Variants in SNTB1 observed in about 807,000 individuals in gnomAD.
SNTB1 encodes the protein syntrophin beta 1.
Under a neutral mutation model 48.9 loss-of-function variants are expected in SNTB1, and 36 were observed. That is an observed-to-expected ratio of 0.74 (90% CI 0.56 to 0.97). SNTB1 has a LOEUF of 0.97. Ranked by LOEUF, SNTB1 falls within the 50% of genes least tolerant of loss-of-function variation. SNTB1 has a pLI of 0.00. For synonymous variants in SNTB1, 299 were observed against 294.6 expected (o/e 1.01, Z -0.15); for missense variants, 786 against 703.4 (o/e 1.12, Z -1.33).
chr8:120,616,477 G>GTT lies in SNTB1; in HGVS notation c.996+15965_996+15966dup, dbSNP rs767343933. Among the ~76,000 whole-genome samples the GTT allele has an allele frequency of 5.7e-3, 728 of 128,156 alleles. 2 individuals carry two copies. Among genetic ancestry groups the GTT allele is most frequent in the African/African-American group, 0.013 (461 of 34,332 alleles). The allele number at this position is 128,156 out of a possible 152,430, so 84.1% of individuals were successfully genotyped here. A position where few individuals can be genotyped will look rare whatever the true frequency, so the allele number is the denominator to read the frequency against. On this transcript the variant is annotated intron_variant, in intron 3 of 6. Coordinates refer to ENST00000517992, the MANE Select transcript of SNTB1 (RefSeq NM_021021.4). ...CACAACACCTGACTAACTAAAAAAA[G>GTT]TTTTTTTTTTTTTTTTGTAAAAATG... is the stretch of plus-strand genomic sequence containing the variant.
At chr8:120,769,945 G>T (rs1287341078) in intron 1 of SNTB1, among the ~76,000 whole-genome samples, 1 of 152,220 alleles carries the variant, frequency 6.6e-6, no homozygotes, top group Non-Finnish European at 1.5e-5. Flanking sequence ...AAACAAGTTT[G>T]CTGTTGGACA....
At chr8:120,687,967 G>T (rs979140274) in intron 2 of SNTB1, among the ~76,000 whole-genome samples, 1 of 152,082 alleles carries the variant, frequency 6.6e-6, no homozygotes, top group Non-Finnish European at 1.5e-5. Context: ...CATCACTAAG[G>T]GTACCTTGTA....
chr8:120,589,243 T>C (rs1267825052), intron 3 of SNTB1, among the ~76,000 whole-genome samples: 1 of 152,210 alleles, frequency 6.6e-6, no homozygotes. Context: ...GTGTCTACAA[T>C]ACTATCATAA....
At chr8:120,732,500 A>T (rs1818869243) in intron 1 of SNTB1, among the ~76,000 whole-genome samples, 1 of 152,204 alleles carries the variant, frequency 6.6e-6, no homozygotes, top group Non-Finnish European at 1.5e-5. Flanking sequence ...TTAAGAGTTA[A>T]TCATTTCTAT....
chr8:120,808,537 T>C (rs945592011), intron 1 of SNTB1, among the ~76,000 whole-genome samples: 3 of 152,250 alleles, frequency 2.0e-5, no homozygotes, highest in Admixed American at 6.5e-5. Context: ...TCATTTCATT[T>C]GAATTGTAAA....
rs181793905 is a variant in SNTB1 at position 120,571,307 on chromosome 8, C to T, written c.1136+3779G>A. 5.1e-4 allele frequency: 655 copies of T among 1,288,232 alleles called. 8 individuals are homozygous for T. In the African/African-American group the frequency reaches 8.8e-3, roughly 17 times the overall value. 79.8% of individuals were successfully genotyped at this position (1,288,232 alleles called of 1,614,324 possible). A position where few individuals can be genotyped will look rare whatever the true frequency, so the allele number is the denominator to read the frequency against. ...ATCCAGTGACTGTGGTCTAATCTTTCTTTGGTTTCTGTTGCGGGAATGTCT... is the reference window on the plus strand; with the variant it reads ...ATCCAGTGACTGTGGTCTAATCTTTTTTTGGTTTCTGTTGCGGGAATGTCT... On this transcript the variant is annotated intron_variant, in intron 4 of 6. Coordinates refer to ENST00000517992, the MANE Select transcript of SNTB1 (RefSeq NM_021021.4).
intron 3 of SNTB1, among the ~76,000 whole-genome samples, chr8:120,584,169 C>T (rs953175309): frequency 4.0e-5 from 6 of 151,746 alleles, no homozygotes; most frequent in Non-Finnish European, 5.9e-5. Context: ...AGGGCACGCA[C>T]GGTGGCTCAT....
intron 1 of SNTB1, among the ~76,000 whole-genome samples, chr8:120,742,732 A>T (rs900985653): frequency 6.6e-6 from 1 of 152,148 alleles, no homozygotes; most frequent in Admixed American, 6.5e-5. Flanking sequence ...TCCTTTTTCC[A>T]GAAATTAACA....
chr8:120,694,249 G>A (rs1033217305), intron 1 of SNTB1, among the ~76,000 whole-genome samples: 1 of 152,088 alleles, frequency 6.6e-6, no homozygotes, highest in African/African-American at 2.4e-5. Context: ...GTATAACTTA[G>A]GCTAAAAGAT....
chr8:120,661,846 C>A (rs534015757), intron 2 of SNTB1, among the ~76,000 whole-genome samples: 1 of 151,920 alleles, frequency 6.6e-6, no homozygotes, highest in South Asian at 2.1e-4. Context: ...TTTATGGCTG[C>A]GAGTCCAGAT....
intron 3 of SNTB1, among the ~76,000 whole-genome samples, chr8:120,597,249 G>A (rs1281361964): frequency 1.3e-5 from 2 of 152,224 alleles, no homozygotes; most frequent in African/African-American, 4.8e-5. Flanking sequence ...CAGAGGGCAC[G>A]TGGCCCTACC....
chr8:120,731,656 G>C (rs1196654977), intron 1 of SNTB1, among the ~76,000 whole-genome samples: 1 of 152,174 alleles, frequency 6.6e-6, no homozygotes, highest in Non-Finnish European at 1.5e-5. Context: ...CATTTTACAT[G>C]GCAGGGGCAG....
At chr8:120,698,961 C>T (rs527793079) in intron 1 of SNTB1, among the ~76,000 whole-genome samples, 20 of 152,290 alleles carry the variant, frequency 1.3e-4, no homozygotes, top group African/African-American at 4.6e-4. Context: ...CTATAATAGG[C>T]AGCCAACATT....
intron 2 of SNTB1, among the ~76,000 whole-genome samples, chr8:120,655,228 TG>T (rs1174526734): frequency 6.6e-6 from 1 of 152,202 alleles, no homozygotes; most frequent in Non-Finnish European, 1.5e-5. Flanking sequence ...ATTGATGAAA[TG>T]CTTCAGTAAA....
intron 2 of SNTB1, among the ~76,000 whole-genome samples, chr8:120,655,395 G>T (rs1253757910): frequency 6.6e-6 from 1 of 152,202 alleles, no homozygotes; most frequent in African/African-American, 2.4e-5. Flanking sequence ...GTTCCATGAA[G>T]AGGCAAACTC....
chr8:120,806,169 TC>T (rs1285539290), intron 1 of SNTB1, among the ~76,000 whole-genome samples: 1 of 152,202 alleles, frequency 6.6e-6, no homozygotes, highest in African/African-American at 2.4e-5. Context: ...CACACCTCCC[TC>T]CAGAATGGCA....
chr8:120,693,531 T>TCA (rs1314851447), intron 2 of SNTB1, among the ~76,000 whole-genome samples, 161 bp downstream of exon 2: 86 of 152,250 alleles, frequency 5.6e-4, no homozygotes, highest in Admixed American at 2.8e-3. Flanking sequence ...TCTCTCTCTT[T>TCA]CACACACAGA....
chr8:120,612,168 G>A (rs538992965), intron 3 of SNTB1, among the ~76,000 whole-genome samples: 76 of 152,154 alleles, frequency 5.0e-4, no homozygotes, highest in Non-Finnish European at 1.0e-3. Flanking sequence ...TTTGCGTAGT[G>A]GTCCTTATAA....
chr8:120,641,570 T>C (rs1817197180), intron 2 of SNTB1, among the ~76,000 whole-genome samples: 1 of 152,180 alleles, frequency 6.6e-6, no homozygotes, highest in Non-Finnish European at 1.5e-5. Context: ...GAGGTACAGG[T>C]TGGTGTTGCA....
Sources: allele counts gnomAD v4.1 joint callset (sites outside exome capture counted in the v4.1 genomes callset), GRCh38; gene constraint gnomAD v4.1.1; transcripts MANE v1.5; gene names NCBI Gene and HGNC (gene_info 2026-07-23, HGNC 2026-07-21).